The following KCTD1 variants were observed in gnomAD, a reference collection of about 807,000 sequenced individuals.
KCTD1 encodes potassium channel tetramerization domain containing 1, also known as BTB/POZ domain-containing protein KCTD1.
A neutral mutation model predicts 66.0 loss-of-function variants in KCTD1; 24 were observed. The ratio of observed to expected loss-of-function variants is 0.36; its 90% CI spans 0.26 to 0.51. KCTD1 has a LOEUF of 0.51. Among genes scored for constraint, KCTD1 ranks in the 20% least tolerant of loss-of-function variants. The pLI is 0.95. For missense variants in KCTD1, 943 were observed against 1,205.2 expected, an observed-to-expected ratio of 0.78 and a Z score of 3.22; for synonymous variants, 511 against 517.2, an observed-to-expected ratio of 0.99 and a Z score of 0.16.
Position 26,547,878 on chromosome 18 carries a change from C to T in KCTD1, c.659G>A (p.Gly220Asp). Residue 220 changes from glycine (G) to aspartate (D), a missense_variant, in exon 1 of 5, where the codon GGC (glycine) becomes GAC (aspartate). Physicochemically the swap from Gly to Asp is moderately conservative, Grantham distance 94. Around this residue, in one of 10 missense-constraint regions of KCTD1, gnomAD observed 96 missense variants for 132.5 expected, o/e 0.72. Transcript: ENST00000580059. Reference sequence around the variant, plus strand: ...GAGCGACGACTTGCTGTAGAGCTGGCCGCTTTTGGAGCGGGCCTCGGCATA... The same window carrying T: ...GAGCGACGACTTGCTGTAGAGCTGGTCGCTTTTGGAGCGGGCCTCGGCATA... Reference protein sequence around the residue: ...SFYAEARSKSGQLYSKSSLIS... With the variant: ...SFYAEARSKSDQLYSKSSLIS... 2 of 1,543,038 alleles carry T rather than the reference C, an allele frequency of 1.3e-6. No homozygotes were observed. The highest frequency in any genetic ancestry group is 1.2e-5 in the South Asian group (1 of 84,068).
intron 1 of KCTD1, among the ~76,000 whole-genome samples, chr18:26,536,897 A>G (rs1366182425): frequency 6.6e-6 from 1 of 151,786 alleles, no homozygotes; most frequent in Non-Finnish European, 1.5e-5. Flanking sequence ...ATGGGATTCT[A>G]TGACTCCATG....
chr18:26,637,676 A>G (rs768975537), intron 1 of KCTD1, among the ~76,000 whole-genome samples: 1 of 152,206 alleles, frequency 6.6e-6, no homozygotes, highest in Non-Finnish European at 1.5e-5. Flanking sequence ...AAAAGAAGGC[A>G]TGTCTCTGTG....
intron 1 of KCTD1, among the ~76,000 whole-genome samples, chr18:26,506,601 G>T (rs1983049970): frequency 6.6e-6 from 1 of 152,210 alleles, no homozygotes; most frequent in Non-Finnish European, 1.5e-5. Context: ...AAGCTTGTAT[G>T]TTGATCTGTG....
At chr18:26,514,435 T>C (rs1983530018) in intron 1 of KCTD1, among the ~76,000 whole-genome samples, 1 of 151,266 alleles carries the variant, frequency 6.6e-6, no homozygotes, top group Non-Finnish European at 1.5e-5. Flanking sequence ...GCCTACAGTC[T>C]GTGACTCAGG....
At chr18:26,542,901 G>A (rs1985040792) in intron 1 of KCTD1, 1 of 152,158 alleles carries the variant, frequency 6.6e-6, no homozygotes. Context: ...ATTAATATGT[G>A]AGTGCATGGA....
At chr18:26,584,244 A>C (rs1164591718) in intron 1 of KCTD1, among the ~76,000 whole-genome samples, 1 of 152,226 alleles carries the variant, frequency 6.6e-6, no homozygotes, top group African/African-American at 2.4e-5. Context: ...ACTGGCCATG[A>C]AATGTGGCAA....
rs1555649529 is a variant in KCTD1, at chr18:26,647,336, C to CCCCT, written c.9+10023_9+10024insAGGG. Among the ~76,000 whole-genome samples, 244 of 146,786 alleles carry CCCCT rather than the reference C, an allele frequency of 1.7e-3. 2 individuals are homozygous for CCCCT. The highest frequency in any genetic ancestry group is 4.8e-3 in the African/African-American group (191 of 39,980). On this transcript the variant is annotated intron_variant, in intron 1 of 4. Transcript: ENST00000580191. ...AGCCTGGCCAAGATAGTGAAACCCCCCCCCCATCTCTACTAAAAATACAAA... is the reference window on the plus strand; with the variant it reads ...AGCCTGGCCAAGATAGTGAAACCCCCCCCTCCCCCATCTCTACTAAAAATACAAA...
At chr18:26,615,798 CT>C (rs994659974) in intron 1 of KCTD1, among the ~76,000 whole-genome samples, 4 of 151,346 alleles carry the variant, frequency 2.6e-5, no homozygotes, top group Admixed American at 6.6e-5. Flanking sequence ...ATCACTAGTG[CT>C]TTTTTTTTGA....
At chr18:26,514,732 C>T (rs1484503731) in intron 1 of KCTD1, among the ~76,000 whole-genome samples, 1 of 152,180 alleles carries the variant, frequency 6.6e-6, no homozygotes, top group Non-Finnish European at 1.5e-5. Flanking sequence ...TCTTTGTCCT[C>T]AGAAGATATA....
intron 1 of KCTD1, among the ~76,000 whole-genome samples, chr18:26,605,871 C>A (rs1598963645): frequency 6.6e-6 from 1 of 152,106 alleles, no homozygotes; most frequent in East Asian, 1.9e-4. Flanking sequence ...AGACAGGTCT[C>A]AATCAATTTA....
intron 1 of KCTD1, among the ~76,000 whole-genome samples, chr18:26,618,037 A>C (rs1987295630): frequency 6.6e-6 from 1 of 151,708 alleles, no homozygotes; most frequent in East Asian, 1.9e-4. Context: ...ATGCCCAGTT[A>C]CGAAGGCAGT....
rs764181233 is a variant in KCTD1 at position 26,651,799 on chromosome 18, A to AAAAG, written c.9+5560_9+5561insCTTT. Among the ~76,000 whole-genome samples, 1,138 of 117,098 alleles carry AAAAG rather than the reference A, an allele frequency of 9.7e-3. 12 individuals are homozygous for AAAAG. Among genetic ancestry groups the AAAAG allele is most frequent in the African/African-American group, 0.027 (752 of 28,058 alleles). The allele number at this position is 117,098 out of a possible 152,430, so 76.8% of individuals were successfully genotyped here. ...ACTCGGTCTCAAAAAAAAAAAAAAA[A>AAAAG]AAGAAGAAGAAGAAGAAGAAGAAGG... On this transcript the variant is annotated intron_variant, in intron 1 of 4. Transcript: ENST00000580191.
rs192833203 is a variant in KCTD1 at position 26,539,868 on chromosome 18, T to C, written c.1809+6860A>G. ...CTCAGATTATGATAAAAATGAAGGA[T>C]TTTTTCAAATATCAAGTTTACATAT... On this transcript the variant is annotated intron_variant, in intron 1 of 4. Coordinates refer to ENST00000580059, the MANE Select transcript of KCTD1 (RefSeq NM_001142730.3). Among the ~76,000 whole-genome samples, 765 of 152,336 alleles carry C rather than the reference T, an allele frequency of 5.0e-3. 2 individuals carry two copies. Among genetic ancestry groups the C allele is most frequent in the Non-Finnish European group, 7.9e-3 (535 of 68,034 alleles).
intron 1 of KCTD1, among the ~76,000 whole-genome samples, chr18:26,597,807 C>A (rs930500099): frequency 5.9e-5 from 9 of 152,102 alleles, no homozygotes; most frequent in Non-Finnish European, 1.0e-4. Context: ...GGGTCCGCTG[C>A]CACATCCAAC....
At chr18:26,621,101 G>A (rs1365359288) in intron 1 of KCTD1, among the ~76,000 whole-genome samples, 2 of 152,220 alleles carry the variant, frequency 1.3e-5, no homozygotes, top group African/African-American at 4.8e-5. Flanking sequence ...CCAAAGTGCC[G>A]GGATTACAGG....
At chr18:26,647,719 A>G (rs1987956621) in intron 1 of KCTD1, among the ~76,000 whole-genome samples, 1 of 152,068 alleles carries the variant, frequency 6.6e-6, no homozygotes, top group Admixed American at 6.5e-5. Context: ...GGAGAGACCA[A>G]TGTAGTTCAT....
chr18:26,493,189 C>G (rs1343036583), intron 2 of KCTD1, among the ~76,000 whole-genome samples: 1 of 152,106 alleles, frequency 6.6e-6, no homozygotes, highest in African/African-American at 2.4e-5. Context: ...GAGTCCTGCC[C>G]TGAGTTATTT....
At chr18:26,584,964 C>A (rs1219792735) in intron 1 of KCTD1, among the ~76,000 whole-genome samples, 1 of 152,132 alleles carries the variant, frequency 6.6e-6, no homozygotes, top group Non-Finnish European at 1.5e-5. Context: ...TGGGAGTGAG[C>A]TGAGGGACTG....
chr18:26,612,047 C>T (rs1313336406), intron 1 of KCTD1, among the ~76,000 whole-genome samples: 2 of 152,168 alleles, frequency 1.3e-5, no homozygotes, highest in Non-Finnish European at 2.9e-5. Context: ...CAGGCACTAT[C>T]CTTGCCCTGT....
Sources: gnomAD v4.1 joint callset for allele counts (sites outside exome capture counted in the v4.1 genomes callset) on GRCh38, gnomAD v4.1.1 for gene constraint, gnomAD v4.1.1 regional missense constraint, MANE v1.5 for transcripts, NCBI Gene and HGNC (gene_info 2026-07-23, HGNC 2026-07-21) for gene names.